Variants in MAEA observed in about 807,000 individuals in gnomAD.
MAEA encodes the protein E3 ubiquitin-protein transferase MAEA.
Under a neutral mutation model 46.2 loss-of-function variants are expected in MAEA, and 22 were observed. That is an observed-to-expected ratio of 0.48 (90% CI 0.34 to 0.68). MAEA has a LOEUF of 0.68. Among genes scored for constraint, MAEA ranks in the 30% least tolerant of loss-of-function variants. MAEA has a pLI of 0.01. For synonymous variants in MAEA, 246 were observed against 222.6 expected (o/e 1.11, Z -0.94); for missense variants, 393 against 558.1 (o/e 0.70, Z 2.98).
chr4:1,311,121 A>C lies in MAEA; in HGVS notation c.70-858A>C, dbSNP rs924005430. ...GGCGAGGTGGAGCGCTTGTTCTGGC[A>C]CAGCTGCGACGGCAGAGTTGGGCCC... On this transcript the variant is annotated intron_variant, in intron 1 of 8. Coordinates refer to ENST00000303400, the MANE Select transcript of MAEA (RefSeq NM_001017405.3). This position sits in a 1 kb window ranked among gnomAD's most constrained non-coding sequence, Gnocchi z 4.4. Among the ~76,000 whole-genome samples the C allele has an allele frequency of 1.3e-5, 2 of 152,208 alleles. No homozygotes were observed. Among genetic ancestry groups the C allele is most frequent in the African/African-American group, 4.8e-5 (2 of 41,462 alleles).
In MAEA at chr4:1,289,920, G is replaced by C; in HGVS notation, c.7G>C (p.Val3Leu). The change falls in exon 1 of 9, where the codon GTG becomes CTG. Residue 3 changes from valine (V) to leucine (L), a missense_variant. This residue lies in a region of MAEA where 35 missense variants were observed against 20.1 expected (regional missense o/e 1.74). Coordinates refer to ENST00000303400, the MANE Select transcript of MAEA (RefSeq NM_001017405.3). MA[V>L]QESAAQLSMT... ...ATGTTTTGGCCGCTTCAAGATGGCGGTGCAGGAGTCGGCGGCTCAGTTGTC... is the reference window on the plus strand; with the variant it reads ...ATGTTTTGGCCGCTTCAAGATGGCGCTGCAGGAGTCGGCGGCTCAGTTGTC... The C allele has an allele frequency of 6.3e-7, 1 of 1,599,774 alleles. No homozygotes were observed. The highest frequency in any genetic ancestry group is 8.5e-7 in the Non-Finnish European group (1 of 1,172,652).
Position 1,311,421 on chromosome 4 carries a change from G to A in MAEA, c.70-558G>A, listed in dbSNP as rs933447914. On this transcript the variant is annotated intron_variant, in intron 1 of 8. Transcript: ENST00000303400. This position sits in a 1 kb window ranked among gnomAD's most constrained non-coding sequence, Gnocchi z 4.4. Reference sequence around the variant, plus strand: ...TGGCTTATTTCCACAGGGAATGGATGGTTCTTACGACTGGGGAAGGCAAAC... The same window carrying A: ...TGGCTTATTTCCACAGGGAATGGATAGTTCTTACGACTGGGGAAGGCAAAC... Among the ~76,000 whole-genome samples the A allele has an allele frequency of 6.6e-6, 1 of 152,260 alleles. No homozygotes were observed. Among genetic ancestry groups the A allele is most frequent in the African/African-American group, 2.4e-5 (1 of 41,468 alleles).
chr4:1,321,501 C>T (rs1193725197), intron 3 of MAEA, among the ~76,000 whole-genome samples: 2 of 152,290 alleles, frequency 1.3e-5, no homozygotes, highest in East Asian at 1.9e-4. Flanking sequence ...AAGAAAACAA[C>T]GTTATGAGGG....
chr4:1,329,473 G>A lies in MAEA; in HGVS notation c.656+1770G>A, dbSNP rs971483841. On this transcript the variant is annotated intron_variant, in intron 5 of 8. Coordinates refer to ENST00000303400, the MANE Select transcript of MAEA (RefSeq NM_001017405.3). ...AGCAGGCAGGTCCCAGGAAGTGCGTGTCCTTCCTCCCGCAAGCAGACACGT... is the reference window on the plus strand; with the variant it reads ...AGCAGGCAGGTCCCAGGAAGTGCGTATCCTTCCTCCCGCAAGCAGACACGT... The A allele has an allele frequency of 1.6e-5, 16 of 985,214 alleles. No homozygotes were observed. The African/African-American group carries it at 2.8e-4, about 17-fold the overall frequency. 61.0% of individuals were successfully genotyped at this position (985,214 alleles called of 1,614,324 possible).
rs34329974 is a variant in MAEA, at chr4:1,312,423, A to ATTTTTTTT, written c.252+279_252+286dup. 3.6e-3 allele frequency: 623 copies of ATTTTTTTT among 172,006 alleles called. 80 individuals carry two copies. Among genetic ancestry groups the ATTTTTTTT allele is most frequent in the African/African-American group, 0.029 (590 of 20,380 alleles). The allele number at this position is 172,006 out of a possible 1,614,324, so 10.7% of individuals were successfully genotyped here. On this transcript the variant is annotated intron_variant, in intron 2 of 8. Transcript: ENST00000303400. ...ACCAGGATGTATAGCAGGTTGATTG[A>ATTTTTTTT]TTTTTTTTTTTTTTTTTTTTTTTTG... is the stretch of plus-strand genomic sequence containing the variant.
chr4:1,329,277 G>A (rs1272954414), intron 5 of MAEA: 5 of 982,924 alleles, frequency 5.1e-6, no homozygotes, highest in South Asian at 4.7e-5. Flanking sequence ...TGTTCCCCCC[G>A]CTCCGCGTAG....
chr4:1,335,089 T>C (rs1263900079), intron 6 of MAEA: 1 of 985,200 alleles, frequency 1.0e-6, no homozygotes, highest in African/African-American at 1.7e-5. Flanking sequence ...AAGGTTTTTC[T>C]CTCCTGTGCT....
intron 2 of MAEA, among the ~76,000 whole-genome samples, chr4:1,313,787 CTG>C (rs1736803530): frequency 1.3e-5 from 2 of 152,238 alleles, no homozygotes; most frequent in South Asian, 4.1e-4. Context: ...AGGCTGGACA[CTG>C]TGGCTCACTT....
intron 1 of MAEA, among the ~76,000 whole-genome samples, chr4:1,290,418 T>C (rs1733981089): frequency 6.6e-6 from 1 of 152,096 alleles, no homozygotes; most frequent in Non-Finnish European, 1.5e-5. Context: ...TTAGGAACTG[T>C]AGGGAGAAAC....
chr4:1,308,853 T>G (rs1736094840), intron 1 of MAEA, among the ~76,000 whole-genome samples: 1 of 152,228 alleles, frequency 6.6e-6, no homozygotes, highest in South Asian at 2.1e-4. Context: ...TTTTTTCCCA[T>G]TTTTTACTCT....
At chr4:1,323,516 G>A (rs1228341869) in intron 4 of MAEA, 2 of 702,592 alleles carry the variant, frequency 2.8e-6, no homozygotes, top group Admixed American at 4.0e-5. Context: ...CAAGCACGAA[G>A]CAAAGACGGG....
chr4:1,314,081 A>T (rs1351386777), intron 2 of MAEA, among the ~76,000 whole-genome samples: 1 of 152,206 alleles, frequency 6.6e-6, no homozygotes, highest in Non-Finnish European at 1.5e-5. Context: ...CAATCCCAGC[A>T]CTTTGGGAGG....
chr4:1,330,076 TC>T (rs1050130998), intron 5 of MAEA: 1 of 985,392 alleles, frequency 1.0e-6, no homozygotes, highest in African/African-American at 1.7e-5. Context: ...TGGCTGCAGC[TC>T]CGCCCTGCCT....
At position 1,337,987 on chromosome 4, in the gene MAEA, C is replaced by T. The variant is rs546113912; in HGVS notation, c.900-435C>T. On this transcript the variant is annotated intron_variant, in intron 7 of 8. Transcript: ENST00000303400. Reference sequence around the variant, plus strand: ...GATTGCTGCTGGTACCTGGCTGTGCCGGGGTATGAATGAGACTCAGGCCCC... The same window carrying T: ...GATTGCTGCTGGTACCTGGCTGTGCTGGGGTATGAATGAGACTCAGGCCCC... The T allele has an allele frequency of 3.8e-4, 68 of 180,886 alleles. 1 individual carries two copies. The South Asian group carries it at 7.0e-3, about 19-fold the overall frequency. The allele number at this position is 180,886 out of a possible 1,614,324, so 11.2% of individuals were successfully genotyped here.
At chr4:1,312,314 G>A in intron 2 of MAEA, 153 bp downstream of exon 2, 1 of 800,200 alleles carries the variant, frequency 1.2e-6, no homozygotes, top group Non-Finnish European at 2.0e-6. Flanking sequence ...TGGGGCCACT[G>A]TCGGCTGAGC....
chr4:1,337,334 T>TTGCCTGTGACGGACTCTGCCC, intron 7 of MAEA: 1 of 305,498 alleles, frequency 3.3e-6, no homozygotes, highest in Non-Finnish European at 6.2e-6. Context: ...ACCAAGAACC[T>TTGCCTGTGACGGACTCTGCCC]TGCCTGTGAC....
chr4:1,299,037 G>A (rs1405082095), intron 1 of MAEA, among the ~76,000 whole-genome samples: 3 of 151,950 alleles, frequency 2.0e-5, no homozygotes, highest in Admixed American at 6.6e-5. Context: ...GCCTGCTTCC[G>A]TGTCTGGCTA....
chr4:1,322,255 G>A (rs1425165494), intron 3 of MAEA, 126 bp from the exon 4 acceptor site: 1 of 1,305,192 alleles, frequency 7.7e-7, no homozygotes, highest in Non-Finnish European at 1.1e-6. Context: ...CCCACAGTGT[G>A]GACTGGAGAT....
chr4:1,331,153 C>G (rs1711739854), intron 5 of MAEA: 1 of 150,916 alleles, frequency 6.6e-6, no homozygotes, highest in Non-Finnish European at 1.5e-5. Flanking sequence ...TGGACTCAGA[C>G]CCACGCCCAC....
Sources: allele counts gnomAD v4.1 joint callset (sites outside exome capture counted in the v4.1 genomes callset), GRCh38; gene constraint gnomAD v4.1.1; regional missense constraint gnomAD v4.1.1; non-coding constraint Gnocchi (gnomAD v3.1); transcripts MANE v1.5; gene names NCBI Gene and HGNC (gene_info 2026-07-23, HGNC 2026-07-21).